N4BP2: variants seen among roughly 807,000 people sequenced by gnomAD.
N4BP2 encodes the protein NEDD4 binding protein 2, also known as NEDD4-binding protein 2.
In N4BP2, 91 loss-of-function variants were observed where a neutral mutation model predicts 152.8. The ratio of observed to expected loss-of-function variants is 0.60; its 90% CI spans 0.50 to 0.71. The LOEUF is 0.71. Ranked by LOEUF, N4BP2 falls within the 30% of genes least tolerant of loss-of-function variation. The pLI, the probability that N4BP2 is intolerant of heterozygous loss-of-function variation, is 0.00. For synonymous variants in N4BP2, 646 were observed against 705.3 expected (o/e 0.92, Z 1.33); for missense variants, 1,923 against 2,059.1 (o/e 0.93, Z 1.28).
At chr4:40,104,094 A>C (rs1715996585) in intron 4 of N4BP2, among the ~76,000 whole-genome samples, 1 of 151,718 alleles carries the variant, frequency 6.6e-6, no homozygotes. Context: ...CTGGGACTAC[A>C]GGCGCCCACC....
At chr4:40,150,432 C>T (rs888275314) in intron 16 of N4BP2, among the ~76,000 whole-genome samples, 1 of 152,120 alleles carries the variant, frequency 6.6e-6, no homozygotes, top group East Asian at 1.9e-4. Flanking sequence ...TTTGGAAGGC[C>T]GAGGCAGTCA....
chr4:40,130,685 T>G (rs1167586857), intron 12 of N4BP2, among the ~76,000 whole-genome samples: 1 of 152,138 alleles, frequency 6.6e-6, no homozygotes, highest in African/African-American at 2.4e-5. Context: ...CAATTTTATG[T>G]AGAGATAGGG....
intron 3 of N4BP2, among the ~76,000 whole-genome samples, chr4:40,099,325 C>T (rs1715397269): frequency 6.6e-6 from 1 of 152,222 alleles, no homozygotes. Flanking sequence ...TCATGGCAAC[C>T]TCAGCCTCCC....
chr4:40,097,938 C>T (rs775641372), intron 3 of N4BP2, among the ~76,000 whole-genome samples: 1 of 152,146 alleles, frequency 6.6e-6, no homozygotes, highest in African/African-American at 2.4e-5. Context: ...GGCCTGTACA[C>T]GCTAGATGCC....
chr4:40,119,795 A>G, intron 8 of N4BP2, 137 bp from the exon 9 acceptor site: 1 of 467,948 alleles, frequency 2.1e-6, no homozygotes, highest in South Asian at 3.9e-5. Flanking sequence ...ATTAGCTTTT[A>G]TAATTTTAAT....
At position 40,123,113 on chromosome 4, in the gene N4BP2, C is replaced by T. The variant is rs1718085876; in HGVS notation, c.4199-14C>T. On this transcript the variant is annotated splice_polypyrimidine_tract_variant and intron_variant, in intron 9 of 17. Coordinates refer to ENST00000261435, the MANE Select transcript of N4BP2 (RefSeq NM_018177.6). ...TAATGATTACATTTTCTTCCCTCCC[C>T]CTTCCCCCACAAGGGTCTCTAACAG... 6 of 1,557,220 alleles carry T rather than the reference C, an allele frequency of 3.9e-6. No homozygotes were observed. Among genetic ancestry groups the T allele is most frequent in the Non-Finnish European group, 5.3e-6 (6 of 1,136,050 alleles).
rs1483102427 is a variant in N4BP2 at position 40,103,065 on chromosome 4, CAACAA to C, written c.1223_1227del (p.Thr408SerfsTer5). On this transcript the variant is annotated frameshift_variant, in exon 4 of 18. Coordinates refer to ENST00000261435, the MANE Select transcript of N4BP2 (RefSeq NM_018177.6). LOFTEE classifies it high-confidence loss of function. The stretch of plus-strand genomic sequence containing the variant: ...CCCTCAGTTATTTCTCACACTTCCC[CAACAA>C]AAGTATGGAGAAATAAAGATGGAAC... 4 of 1,614,138 alleles carry C rather than the reference CAACAA, an allele frequency of 2.5e-6. No individual in the cohort carries two copies. The highest frequency in any genetic ancestry group is 3.4e-6 in the Non-Finnish European group (4 of 1,180,020).
At chr4:40,100,022 T>C (rs927299595) in intron 3 of N4BP2, 1 of 455,606 alleles carries the variant, frequency 2.2e-6, no homozygotes, top group East Asian at 7.0e-5. Context: ...TCCCTCTTTG[T>C]TTTTCTTCTT....
At chr4:40,118,598 T>C (rs374077704) in intron 8 of N4BP2, among the ~76,000 whole-genome samples, 1 of 152,234 alleles carries the variant, frequency 6.6e-6, no homozygotes, top group Non-Finnish European at 1.5e-5. Context: ...TCCGTGATTA[T>C]GCTATGAATT....
intron 3 of N4BP2, among the ~76,000 whole-genome samples, chr4:40,100,531 G>T (rs1202531775): frequency 1.3e-5 from 2 of 151,906 alleles, no homozygotes; most frequent in East Asian, 3.9e-4. Flanking sequence ...ATACGCACAT[G>T]CTACCACACT....
At chr4:40,187,194 A>G in the N4BP2 span, among the ~76,000 whole-genome samples, 1 of 152,172 alleles carries the variant, frequency 6.6e-6, no homozygotes, top group Non-Finnish European at 1.5e-5. Flanking sequence ...CAACTATAAA[A>G]TTTCTCTTGA....
At chr4:40,137,716 G>A (rs1220251284) in intron 14 of N4BP2, among the ~76,000 whole-genome samples, 3 of 152,140 alleles carry the variant, frequency 2.0e-5, no homozygotes, top group Non-Finnish European at 4.4e-5. Context: ...CAGCAGGATT[G>A]GTCAGGAGGC....
At chr4:40,132,736 T>C (rs1003907479) in intron 13 of N4BP2, among the ~76,000 whole-genome samples, 1 of 152,154 alleles carries the variant, frequency 6.6e-6, no homozygotes, top group African/African-American at 2.4e-5. Flanking sequence ...TTGAGAATCT[T>C]TTGAGAATCT....
chr4:40,066,529 A>G (rs1201252371), intron 1 of N4BP2, among the ~76,000 whole-genome samples: 2 of 151,282 alleles, frequency 1.3e-5, no homozygotes, highest in Non-Finnish European at 2.9e-5. Context: ...TATGTTGGCC[A>G]GGCTGGTCTT....
At chr4:40,158,580 T>C (rs1721770179), downstream of N4BP2, among the ~76,000 whole-genome samples, 2 of 152,054 alleles carry the variant, frequency 1.3e-5, no homozygotes, top group Admixed American at 6.6e-5. Flanking sequence ...GGCAGGTTGC[T>C]TGAGGTCAGG....
chr4:40,156,760 A>T lies in N4BP2; in HGVS notation c.*2523A>T, dbSNP rs1721630410. On this transcript the variant is annotated 3_prime_UTR_variant, in exon 18 of 18. Transcript: ENST00000261435. The stretch of plus-strand genomic sequence containing the variant: ...AAAATTCAAAATCTGAAATGCTTCA[A>T]AATCTGAAATTTTTCGAGCACAGAC... The T allele has an allele frequency of 6.6e-6, 1 of 152,130 alleles. No individual in the cohort carries two copies. The highest frequency in any genetic ancestry group is 2.4e-5 in the African/African-American group (1 of 41,452). The allele number at this position is 152,130 out of a possible 1,614,324, so 9.4% of individuals were successfully genotyped here.
At chr4:40,146,615 C>T (rs1720543206) in intron 16 of N4BP2, among the ~76,000 whole-genome samples, 2 of 151,998 alleles carry the variant, frequency 1.3e-5, no homozygotes, top group South Asian at 4.1e-4. Flanking sequence ...AAGTGATTAC[C>T]ACAATGAAGT....
intron 6 of N4BP2, among the ~76,000 whole-genome samples, chr4:40,112,721 G>A (rs1404548577): frequency 6.7e-6 from 1 of 149,462 alleles, no homozygotes; most frequent in Non-Finnish European, 1.5e-5. Context: ...TTTTGTTGTT[G>A]AGATGGAGTT....
intron 2 of N4BP2, among the ~76,000 whole-genome samples, chr4:40,079,548 T>A (rs551404310): frequency 1.2e-3 from 181 of 151,942 alleles, no homozygotes; most frequent in Non-Finnish European, 1.3e-3. Flanking sequence ...CTATTAGAGA[T>A]CATGTTTGTT....
Sources: gnomAD v4.1 joint callset for allele counts (sites outside exome capture counted in the v4.1 genomes callset) on GRCh38, gnomAD v4.1.1 for gene constraint, MANE v1.5 for transcripts, NCBI Gene and HGNC (gene_info 2026-07-23, HGNC 2026-07-21) for gene names.